NPSR1: variants seen among roughly 807,000 people sequenced by gnomAD.
The protein encoded by NPSR1 is neuropeptide S receptor 1, also known as neuropeptide S receptor.
NPSR1 carries 48 observed loss-of-function variants against 46.9 expected under a neutral mutation model. The ratio of observed to expected loss-of-function variants is 1.02; its 90% CI spans 0.81 to 1.30. NPSR1 has a LOEUF of 1.30. Ranked by LOEUF, NPSR1 falls within the 50% of genes most tolerant of loss-of-function variation. The probability of loss-of-function intolerance (pLI) is 0.00; values close to 1 mark genes in which losing one functional copy is unlikely to be tolerated. For missense variants in NPSR1, 450 were observed against 449.5 expected (o/e 1.00, Z -0.01); for synonymous variants, 176 against 168.1 (o/e 1.05, Z -0.36).
intron 6 of NPSR1, among the ~76,000 whole-genome samples, chr7:34,843,505 G>T (rs1483824396): frequency 6.6e-6 from 1 of 152,236 alleles, no homozygotes; most frequent in Non-Finnish European, 1.5e-5. Context: ...TTACACATGA[G>T]TTTTCGCAGG....
At chr7:34,786,113 A>G (rs547082446) in intron 3 of NPSR1, among the ~76,000 whole-genome samples, 1 of 152,274 alleles carries the variant, frequency 6.6e-6, no homozygotes, top group African/African-American at 2.4e-5. Context: ...GTTTGATAGC[A>G]TTTTACCCAG....
chr7:34,669,592 A>G (rs1409964614), intron 1 of NPSR1, among the ~76,000 whole-genome samples: 2 of 152,072 alleles, frequency 1.3e-5, no homozygotes, highest in Non-Finnish European at 2.9e-5. Context: ...GAAAGAAAGA[A>G]AAGAAACTTG....
In NPSR1 at chr7:34,831,882, G is replaced by C. The variant is rs1296087656; in HGVS notation, c.681-2502G>C. Among the ~76,000 whole-genome samples, 4 of 152,070 alleles carry C rather than the reference G, an allele frequency of 2.6e-5. No homozygotes were observed. In the East Asian group the frequency reaches 7.7e-4, roughly 29 times the overall value. ...AAAGTGGAAAAAGCACATTAGTCAT[G>C]GATCATTGATTTGTCATATGTGAGA... On this transcript the variant is annotated intron_variant, in intron 5 of 8. Coordinates refer to ENST00000360581, the MANE Select transcript of NPSR1 (RefSeq NM_207172.2).
In NPSR1 at chr7:34,832,402, G is replaced by A. The variant is rs185265839; in HGVS notation, c.681-1982G>A. 2.2e-3 allele frequency among the ~76,000 whole-genome samples: 334 copies of A among 152,108 alleles called. 2 individuals carry two copies. The highest frequency in any genetic ancestry group is 3.8e-3 in the Non-Finnish European group (259 of 68,006). On this transcript the variant is annotated intron_variant, in intron 5 of 8. Coordinates refer to ENST00000360581, the MANE Select transcript of NPSR1 (RefSeq NM_207172.2). ...ACAAAAATTAGCCGGGCATAGTGGCGCACACTGGTAGTTCCAGCTATTCAG... is the reference window on the plus strand; with the variant it reads ...ACAAAAATTAGCCGGGCATAGTGGCACACACTGGTAGTTCCAGCTATTCAG...
In NPSR1 at chr7:34,786,237, C is replaced by T. The variant is rs573245277; in HGVS notation, c.384+7672C>T. ...GTTATCATTTCAGCAATGTTCACAG[C>T]ATTATCACCAAGAGTAGATTCCATT... On this transcript the variant is annotated intron_variant, in intron 3 of 8. Coordinates refer to ENST00000360581, the MANE Select transcript of NPSR1 (RefSeq NM_207172.2). 3.9e-5 allele frequency among the ~76,000 whole-genome samples: 6 copies of T among 152,244 alleles called. No homozygotes were observed. The South Asian group carries it at 1.0e-3, about 26-fold the overall frequency.
chr7:34,848,571 C>T lies in NPSR1; in HGVS notation c.933C>T (p.Ala311=). 1 of 1,614,126 alleles carries T rather than the reference C, an allele frequency of 6.2e-7. No homozygotes were observed. Among genetic ancestry groups the T allele is most frequent in the South Asian group, 1.1e-5 (1 of 91,072 alleles). The change falls in exon 8 of 9, where the codon GCC becomes GCT. Residue 311 remains alanine, a synonymous_variant. Coordinates refer to ENST00000360581, the MANE Select transcript of NPSR1 (RefSeq NM_207172.2). ...CAGACACCCAGGAGCGTTTCTATGC[C>T]TCTGTGATCATTCAGAACCTGCCAG... The part of the protein sequence containing the change: ...LLPDTQERFY[A]SVIIQNLPAL...
chr7:34,739,981 C>T (rs61664571), intron 2 of NPSR1, among the ~76,000 whole-genome samples: 10,180 of 152,104 alleles, frequency 0.067, 980 homozygotes, highest in African/African-American at 0.21. Flanking sequence ...AAGTATACGC[C>T]GTTTGTCTTC....
chr7:34,878,034 C>G (rs576362940), intron 8 of NPSR1: 2 of 1,198,888 alleles, frequency 1.7e-6, no homozygotes, highest in Non-Finnish European at 2.4e-6. Flanking sequence ...ATAGGAAGAC[C>G]CAGGTCCCTA....
At chr7:34,747,189 C>G (rs530080680) in intron 2 of NPSR1, among the ~76,000 whole-genome samples, 46 of 150,500 alleles carry the variant, frequency 3.1e-4, no homozygotes, top group African/African-American at 1.1e-3. Context: ...AAGGCAGACA[C>G]TGAAGAGGAT....
intron 2 of NPSR1, among the ~76,000 whole-genome samples, chr7:34,706,852 T>A (rs1286211069): frequency 6.6e-6 from 1 of 152,126 alleles, no homozygotes; most frequent in African/African-American, 2.4e-5. Context: ...CTACTGAAAG[T>A]TTTTTAATTG....
At chr7:34,693,002 C>A (rs1311699089) in intron 2 of NPSR1, among the ~76,000 whole-genome samples, 1 of 152,152 alleles carries the variant, frequency 6.6e-6, no homozygotes, top group African/African-American at 2.4e-5. Flanking sequence ...GGTTTAGGAC[C>A]ATCCCCCTTG....
chr7:34,684,730 C>T (rs756166701), intron 2 of NPSR1, 46 bp downstream of exon 2: 7 of 1,443,444 alleles, frequency 4.8e-6, no homozygotes, highest in South Asian at 4.5e-5. Context: ...ATGTGAAGTC[C>T]CTATGGCTTC....
At chr7:34,827,624 AC>A in intron 5 of NPSR1, 22 bp downstream of exon 5, 2 of 516,058 alleles carry the variant, frequency 3.9e-6, no homozygotes, top group Non-Finnish European at 7.0e-6. Context: ...TCAGGACAGG[AC>A]CACACGGGGG....
At chr7:34,807,357 CTG>C (rs1359380664) in intron 3 of NPSR1, among the ~76,000 whole-genome samples, 1 of 151,794 alleles carries the variant, frequency 6.6e-6, no homozygotes, top group African/African-American at 2.4e-5. Context: ...TTTTTTCTAT[CTG>C]TATATTTTTG....
intron 3 of NPSR1, among the ~76,000 whole-genome samples, chr7:34,809,460 A>ATTTTTT (rs1157591101): frequency 1.4e-4 from 15 of 110,826 alleles, no homozygotes; most frequent in East Asian, 2.5e-4. Flanking sequence ...TCACCCAGGT[A>ATTTTTT]TTTTTTTTTT....
intron 2 of NPSR1, among the ~76,000 whole-genome samples, chr7:34,745,581 T>G (rs1328614731): frequency 1.3e-5 from 2 of 152,204 alleles, no homozygotes; most frequent in Non-Finnish European, 2.9e-5. Context: ...TGCACTGGCA[T>G]GATCACAGCT....
rs75676760 is a variant in NPSR1, at chr7:34,844,374, G to A, written c.758-522G>A. ...AGACAACAGTCTACATGAAAAAAATGTATATCCAAGCTCCTATTTTGGAGA... is the reference window on the plus strand; with the variant it reads ...AGACAACAGTCTACATGAAAAAAATATATATCCAAGCTCCTATTTTGGAGA... On this transcript the variant is annotated intron_variant, in intron 6 of 8. Transcript: ENST00000360581. Among the ~76,000 whole-genome samples the A allele has an allele frequency of 1.9e-4, 29 of 152,188 alleles. No homozygotes were observed. In the East Asian group the frequency reaches 5.2e-3, roughly 27 times the overall value.
intron 3 of NPSR1, among the ~76,000 whole-genome samples, chr7:34,784,538 T>A (rs1463714437): frequency 6.6e-6 from 1 of 152,278 alleles, no homozygotes; most frequent in Non-Finnish European, 1.5e-5. Context: ...TGAAGCCCAC[T>A]TGATCATGGT....
At chr7:34,821,331 T>C (rs1349140045) in intron 4 of NPSR1, among the ~76,000 whole-genome samples, 2 of 151,964 alleles carry the variant, frequency 1.3e-5, no homozygotes, top group African/African-American at 4.8e-5. Context: ...GGTTTCACCG[T>C]GTTGGCCAGG....
Sources: allele counts gnomAD v4.1 joint callset (sites outside exome capture counted in the v4.1 genomes callset), GRCh38; gene constraint gnomAD v4.1.1; transcripts MANE v1.5; gene names NCBI Gene and HGNC (gene_info 2026-07-23, HGNC 2026-07-21).